ARHGAP26: variants seen among roughly 807,000 people sequenced by gnomAD.
ARHGAP26 encodes the protein Rho GTPase activating protein 26.
ARHGAP26 carries 38 observed loss-of-function variants against 104.8 expected under a neutral mutation model. The ratio of observed to expected loss-of-function variants is 0.36; its 90% CI spans 0.28 to 0.48. ARHGAP26 has a LOEUF of 0.48. Ranked by LOEUF, ARHGAP26 falls within the 20% of genes least tolerant of loss-of-function variation. ARHGAP26 has a pLI of 0.99. For synonymous variants in ARHGAP26, 341 were observed against 340.0 expected (o/e 1.00, Z -0.03); for missense variants, 704 against 947.9 (o/e 0.74, Z 3.38).
At chr5:143,024,789 C>T (rs17706955) in intron 12 of ARHGAP26, among the ~76,000 whole-genome samples, 13,313 of 152,194 alleles carry the variant, frequency 0.087, 858 homozygotes, top group East Asian at 0.31. Context: ...TCAGAGTTGT[C>T]AGAGCCTGCA....
intron 11 of ARHGAP26, among the ~76,000 whole-genome samples, chr5:142,952,326 T>TA (rs1368131073): frequency 2.0e-5 from 3 of 152,194 alleles, no homozygotes; most frequent in Admixed American, 2.0e-4. Flanking sequence ...CATTCGGCAG[T>TA]GCAGTGAAAG....
chr5:143,220,978 C>G (rs185171357), intron 22 of ARHGAP26, among the ~76,000 whole-genome samples: 1 of 152,160 alleles, frequency 6.6e-6, no homozygotes, highest in South Asian at 2.1e-4. Context: ...TTTAATTAGC[C>G]CAGGAAGGGA....
chr5:142,971,912 T>C (rs1366441480), intron 11 of ARHGAP26, among the ~76,000 whole-genome samples: 1 of 152,172 alleles, frequency 6.6e-6, no homozygotes, highest in African/African-American at 2.4e-5. Flanking sequence ...CCAGGCACGG[T>C]GGCTCACGCC....
chr5:143,063,222 C>A (rs554237102), intron 17 of ARHGAP26, among the ~76,000 whole-genome samples: 18 of 151,956 alleles, frequency 1.2e-4, no homozygotes, highest in Admixed American at 1.0e-3. Context: ...TGATTTTAAC[C>A]CTTTTCTATC....
At chr5:142,988,457 A>AT (rs1184130448) in intron 11 of ARHGAP26, among the ~76,000 whole-genome samples, 7 of 152,048 alleles carry the variant, frequency 4.6e-5, no homozygotes, top group South Asian at 2.1e-4. Flanking sequence ...GGATTCATTG[A>AT]TTTTTTGAAG....
At chr5:143,208,750 C>T (rs930311605) in intron 21 of ARHGAP26, among the ~76,000 whole-genome samples, 16 of 152,182 alleles carry the variant, frequency 1.1e-4, no homozygotes, top group Admixed American at 1.0e-3. Context: ...CTGACTTGCT[C>T]TTTTAGGTTT....
At chr5:143,038,684 CTTTTTTTTTTTT>C (rs60428049) in intron 13 of ARHGAP26, among the ~76,000 whole-genome samples, 5 of 64,382 alleles carry the variant, frequency 7.8e-5, no homozygotes, top group Non-Finnish European at 1.0e-4. Context: ...GACATACGGC[CTTTTTTTTTTTT>C]TTTTTTTTTT....
intron 2 of ARHGAP26, 96 bp from the exon 3 acceptor site, chr5:142,875,014 A>G (rs189466953): frequency 5.9e-6 from 6 of 1,025,492 alleles, no homozygotes; most frequent in South Asian, 5.3e-5. Flanking sequence ...TGTATGTGCC[A>G]AGGAATTAAA....
chr5:143,033,304 G>T lies in ARHGAP26; in HGVS notation c.1145-3892G>T, dbSNP rs188554129. 8.6e-4 allele frequency among the ~76,000 whole-genome samples: 131 copies of T among 152,256 alleles called. 1 individual carries two copies. In the Middle Eastern group the frequency reaches 0.017, roughly 20 times the overall value. Reference sequence around the variant, plus strand: ...TCTAACGCTGGGAAAACCAAAGGAGGAACATTTACTCAGATTGAATGTGGA... The same window carrying T: ...TCTAACGCTGGGAAAACCAAAGGAGTAACATTTACTCAGATTGAATGTGGA... On this transcript the variant is annotated intron_variant, in intron 12 of 22. Transcript: ENST00000645722.
Position 142,770,734 on chromosome 5 carries a change from C to T in ARHGAP26, c.-28C>T, listed in dbSNP as rs1202660135. ...GGCGGCCCGGGCCCCGGCGGAGGCG[C>T]GCCCCCCGGCTGGGCGCCGCGCGCA... is the stretch of plus-strand genomic sequence containing the variant. On this transcript the variant is annotated 5_prime_UTR_variant, in exon 1 of 23. Transcript: ENST00000645722. The T allele has an allele frequency of 1.5e-5, 19 of 1,249,830 alleles. No homozygotes were observed. Among genetic ancestry groups the T allele is most frequent in the Non-Finnish European group, 1.9e-5 (19 of 986,492 alleles). 77.4% of individuals were successfully genotyped at this position (1,249,830 alleles called of 1,614,324 possible). A position where few individuals can be genotyped will look rare whatever the true frequency, so the allele number is the denominator to read the frequency against.
At chr5:143,214,112 A>ATCTTTGTGAGGG in intron 22 of ARHGAP26, 24 bp downstream of exon 22, 1 of 408,834 alleles carries the variant, frequency 2.4e-6, no homozygotes, top group Non-Finnish European at 4.8e-6. Context: ...CCCCTCACAA[A>ATCTTTGTGAGGG]GATATGGGCG....
At chr5:142,926,715 G>A (rs1205463457) in intron 10 of ARHGAP26, among the ~76,000 whole-genome samples, 1 of 152,142 alleles carries the variant, frequency 6.6e-6, no homozygotes, top group Non-Finnish European at 1.5e-5. Flanking sequence ...GTGTATGAGT[G>A]TGTTGGGAGT....
intron 1 of ARHGAP26, among the ~76,000 whole-genome samples, chr5:142,832,998 A>C (rs1273312312): frequency 2.0e-5 from 3 of 152,158 alleles, no homozygotes; most frequent in Non-Finnish European, 2.9e-5. Flanking sequence ...TAATATGGAA[A>C]ATTTGTAAAG....
chr5:143,189,859 AC>A (rs1805671344), intron 20 of ARHGAP26, among the ~76,000 whole-genome samples: 1 of 152,102 alleles, frequency 6.6e-6, no homozygotes, highest in African/African-American at 2.4e-5. Flanking sequence ...TTGGCTTGTT[AC>A]CTGCTGTGTT....
intron 11 of ARHGAP26, among the ~76,000 whole-genome samples, chr5:142,988,492 C>T (rs1390115549): frequency 6.6e-6 from 1 of 152,064 alleles, no homozygotes; most frequent in Non-Finnish European, 1.5e-5. Flanking sequence ...CTGTCTCCTC[C>T]AGTTCTGCTC....
chr5:142,985,711 G>C (rs188904927), intron 11 of ARHGAP26, among the ~76,000 whole-genome samples: 1 of 135,822 alleles, frequency 7.4e-6, no homozygotes, highest in African/African-American at 2.8e-5. Flanking sequence ...CTGTGTCCAA[G>C]TGTTCTCATT....
chr5:143,110,575 G>A (rs1409410116), intron 17 of ARHGAP26, among the ~76,000 whole-genome samples: 1 of 152,120 alleles, frequency 6.6e-6, no homozygotes, highest in East Asian at 1.9e-4. Flanking sequence ...ATACACATGT[G>A]CAACTTTTAA....
intron 22 of ARHGAP26, among the ~76,000 whole-genome samples, chr5:143,218,128 G>C (rs1044324764): frequency 6.6e-6 from 1 of 152,156 alleles, no homozygotes; most frequent in Admixed American, 6.5e-5. Flanking sequence ...TTGTGTCTGC[G>C]TGTTATCTGT....
intron 18 of ARHGAP26, among the ~76,000 whole-genome samples, chr5:143,122,205 CAT>C (rs1796223917): frequency 6.6e-6 from 1 of 152,198 alleles, no homozygotes; most frequent in Non-Finnish European, 1.5e-5. Flanking sequence ...CATTTGCCCA[CAT>C]AGTCTCTGTC....
Sources: gnomAD v4.1 joint callset for allele counts (sites outside exome capture counted in the v4.1 genomes callset) on GRCh38, gnomAD v4.1.1 for gene constraint, MANE v1.5 for transcripts, NCBI Gene and HGNC (gene_info 2026-07-23, HGNC 2026-07-21) for gene names.